Variants in CNTN5 observed in about 807,000 individuals in gnomAD.
The protein encoded by CNTN5 is contactin 5, also known as contactin-5.
Under a neutral mutation model 129.1 loss-of-function variants are expected in CNTN5, and 77 were observed. That is an observed-to-expected ratio of 0.60 (90% CI 0.50 to 0.72). CNTN5 has a LOEUF of 0.72. Ranked by LOEUF, CNTN5 falls within the 30% of genes least tolerant of loss-of-function variation. CNTN5 has a pLI of 0.00. For missense variants in CNTN5, 1,478 were observed against 1,328.8 expected (o/e 1.11, Z -1.75); for synonymous variants, 509 against 465.6 (o/e 1.09, Z -1.20).
chr11:99,777,404 C>T (rs574508648), intron 3 of CNTN5, among the ~76,000 whole-genome samples: 110 of 151,856 alleles, frequency 7.2e-4, no homozygotes, highest in Non-Finnish European at 1.1e-3. Context: ...GCAAATTGGT[C>T]TGGCAAAATA....
At chr11:99,319,103 A>G (rs1865459091) in intron 1 of CNTN5, among the ~76,000 whole-genome samples, 5 of 152,162 alleles carry the variant, frequency 3.3e-5, no homozygotes, top group Admixed American at 3.3e-4. Flanking sequence ...GCAAAACAAA[A>G]CAAAAAACTA....
At chr11:99,469,756 C>G (rs1386741992) in intron 2 of CNTN5, among the ~76,000 whole-genome samples, 1 of 151,426 alleles carries the variant, frequency 6.6e-6, no homozygotes, top group Non-Finnish European at 1.5e-5. Flanking sequence ...TTTTTTTTGG[C>G]TTTTGATTTG....
intron 9 of CNTN5, among the ~76,000 whole-genome samples, chr11:100,026,571 G>T (rs1213836676): frequency 1.3e-5 from 2 of 152,110 alleles, no homozygotes; most frequent in East Asian, 3.9e-4. Context: ...TCTGAATTTT[G>T]ACATAAAGGC....
intron 1 of CNTN5, among the ~76,000 whole-genome samples, chr11:99,063,909 T>A (rs1187249085): frequency 6.6e-6 from 1 of 152,100 alleles, no homozygotes; most frequent in African/African-American, 2.4e-5. Flanking sequence ...TGTACATGAC[T>A]AAATAAGTGT....
At chr11:100,094,171 A>G (rs1944901836) in intron 13 of CNTN5, among the ~76,000 whole-genome samples, 1 of 152,146 alleles carries the variant, frequency 6.6e-6, no homozygotes, top group African/African-American at 2.4e-5. Context: ...AACTGAGCAG[A>G]TGCCCTGGAT....
intron 2 of CNTN5, among the ~76,000 whole-genome samples, chr11:99,452,895 T>C (rs1181194136): frequency 6.6e-6 from 1 of 152,200 alleles, no homozygotes; most frequent in Non-Finnish European, 1.5e-5. Flanking sequence ...TATTTTCTCA[T>C]CTAATTCATA....
rs372833208 is a variant in CNTN5 at position 100,135,705 on chromosome 11, C to T, written c.1581-55421C>T. Among the ~76,000 whole-genome samples the T allele has an allele frequency of 2.0e-5, 3 of 152,170 alleles. No homozygotes were observed. In the South Asian group the frequency reaches 6.2e-4, roughly 31 times the overall value. On this transcript the variant is annotated intron_variant, in intron 13 of 24. Transcript: ENST00000524871. ...ATCACCATGAGTATTACTCTCTCTT[C>T]TGCTTTCTGATATTGGTGACAATTT... is the stretch of plus-strand genomic sequence containing the variant.
chr11:99,747,460 CTTTTTTT>C (rs55790126), intron 3 of CNTN5, among the ~76,000 whole-genome samples: 1 of 85,758 alleles, frequency 1.2e-5, no homozygotes, highest in Non-Finnish European at 2.1e-5. Flanking sequence ...AGTCAGCATC[CTTTTTTT>C]TTTTTTTTTT....
At chr11:99,468,166 T>C (rs1469187746) in intron 2 of CNTN5, among the ~76,000 whole-genome samples, 2 of 152,126 alleles carry the variant, frequency 1.3e-5, no homozygotes, top group East Asian at 1.9e-4. Flanking sequence ...GCATGTTGGG[T>C]GAACTCCCTC....
At chr11:99,904,383 C>A (rs1949440405) in intron 6 of CNTN5, among the ~76,000 whole-genome samples, 1 of 151,718 alleles carries the variant, frequency 6.6e-6, no homozygotes. Context: ...CGAGTGAGAA[C>A]CTGTGGTGTT....
chr11:99,491,625 T>C (rs182790221), intron 2 of CNTN5, among the ~76,000 whole-genome samples: 1 of 152,256 alleles, frequency 6.6e-6, no homozygotes. Context: ...CGAATATACA[T>C]CCAGAAGCAT....
intron 6 of CNTN5, among the ~76,000 whole-genome samples, chr11:99,870,748 T>C (rs1054013309): frequency 2.0e-5 from 3 of 152,084 alleles, no homozygotes; most frequent in African/African-American, 7.2e-5. Context: ...CACCAAAACC[T>C]TCATCATATT....
intron 1 of CNTN5, among the ~76,000 whole-genome samples, chr11:99,269,317 T>C (rs962780238): frequency 4.6e-5 from 7 of 151,882 alleles, no homozygotes; most frequent in Admixed American, 3.3e-4. Context: ...AGTTTAATGA[T>C]ATATACATGA....
At chr11:99,170,309 A>C (rs1280259101) in intron 1 of CNTN5, among the ~76,000 whole-genome samples, 1 of 152,164 alleles carries the variant, frequency 6.6e-6, no homozygotes, top group African/African-American at 2.4e-5. Context: ...AAGGACGCAC[A>C]GGTTAATATA....
chr11:99,905,464 A>T (rs1454656582), intron 6 of CNTN5, among the ~76,000 whole-genome samples: 2 of 152,134 alleles, frequency 1.3e-5, no homozygotes, highest in Non-Finnish European at 2.9e-5. Flanking sequence ...GTGTGGCATT[A>T]TAATTGAGGC....
At chr11:99,480,054 T>G (rs1471624094) in intron 2 of CNTN5, among the ~76,000 whole-genome samples, 4 of 152,206 alleles carry the variant, frequency 2.6e-5, no homozygotes, top group African/African-American at 9.6e-5. Flanking sequence ...CAGATGGCAT[T>G]TAAGGTTGTT....
At chr11:99,357,325 T>C (rs1268796443) in intron 2 of CNTN5, among the ~76,000 whole-genome samples, 2 of 152,164 alleles carry the variant, frequency 1.3e-5, no homozygotes, top group Non-Finnish European at 2.9e-5. Context: ...CAATAGTTAT[T>C]AGCAACTGAA....
At chr11:100,135,046 A>G (rs1946480526) in intron 13 of CNTN5, among the ~76,000 whole-genome samples, 1 of 152,066 alleles carries the variant, frequency 6.6e-6, no homozygotes, top group Non-Finnish European at 1.5e-5. Context: ...GGGGTTTATT[A>G]TTAAAGTTAA....
chr11:99,519,548 A>C (rs1947191708), intron 2 of CNTN5, among the ~76,000 whole-genome samples: 1 of 152,078 alleles, frequency 6.6e-6, no homozygotes, highest in Admixed American at 6.6e-5. Flanking sequence ...AATGTTAGAT[A>C]ATAATTTGAA....
Sources: allele counts gnomAD v4.1 joint callset (sites outside exome capture counted in the v4.1 genomes callset), GRCh38; gene constraint gnomAD v4.1.1; transcripts MANE v1.5; gene names NCBI Gene and HGNC (gene_info 2026-07-23, HGNC 2026-07-21).